Variants in L3MBTL3 observed in about 807,000 individuals in gnomAD.
The protein encoded by L3MBTL3 is lethal(3)malignant brain tumor-like protein 3.
In L3MBTL3, 27 loss-of-function variants were observed where a neutral mutation model predicts 102.3. The observed-to-expected ratio is 0.26, with a 90% CI of 0.19 to 0.36. The LOEUF (loss-of-function observed/expected upper bound fraction) is 0.36, where lower values mean the gene tolerates loss of function less well. Ranked by LOEUF, L3MBTL3 falls within the 10% of genes least tolerant of loss-of-function variation. The pLI is 1.00. For missense variants in L3MBTL3, 798 were observed against 955.3 expected (o/e 0.84, Z 2.17); for synonymous variants, 340 against 320.9 (o/e 1.06, Z -0.64).
In L3MBTL3 at chr6:130,020,748, T is replaced by A. The variant is rs565243464; in HGVS notation, c.-94-1479T>A. On this transcript the variant is annotated intron_variant, in intron 1 of 22. Transcript: ENST00000361794. The stretch of plus-strand genomic sequence containing the variant: ...CCTTTTCCTCCCCCTCCCCGCCGAT[T>A]TTTTGAGGGGACCCGAAAAACGGAG... 3 of 151,058 alleles carry A rather than the reference T, an allele frequency of 2.0e-5. No homozygotes were observed. In the South Asian group the frequency reaches 6.3e-4, roughly 32 times the overall value. 9.4% of individuals were successfully genotyped at this position (151,058 alleles called of 1,614,324 possible).
intron 2 of L3MBTL3, among the ~76,000 whole-genome samples, chr6:130,028,380 T>C (rs1040465578): frequency 6.6e-6 from 1 of 152,186 alleles, no homozygotes; most frequent in Non-Finnish European, 1.5e-5. Context: ...ATGGAACCGC[T>C]GTAATGACTG....
At chr6:130,039,466 T>A (rs2114660601) in intron 2 of L3MBTL3, among the ~76,000 whole-genome samples, 1 of 152,224 alleles carries the variant, frequency 6.6e-6, no homozygotes, top group African/African-American at 2.4e-5. Context: ...CTTAAATCCC[T>A]TTTCATCTAA....
intron 7 of L3MBTL3, chr6:130,054,949 A>ACGG (rs1781367044): frequency 4.1e-6 from 2 of 484,226 alleles, no homozygotes; most frequent in Admixed American, 3.4e-5. Flanking sequence ...AGCGGTGTCC[A>ACGG]TGCCCTTCCA....
chr6:130,019,657 G>A (rs1778815315), intron 1 of L3MBTL3, among the ~76,000 whole-genome samples: 1 of 151,496 alleles, frequency 6.6e-6, no homozygotes, highest in South Asian at 2.1e-4. Flanking sequence ...ACCCGCGGCG[G>A]GGCTCGGCGG....
intron 6 of L3MBTL3, among the ~76,000 whole-genome samples, chr6:130,051,631 C>T (rs1781097569): frequency 6.6e-6 from 1 of 152,226 alleles, no homozygotes; most frequent in Non-Finnish European, 1.5e-5. Flanking sequence ...GCCTGCAAAA[C>T]AGCCTCTGCC....
At chr6:130,101,527 C>T (rs1164420463) in intron 18 of L3MBTL3, among the ~76,000 whole-genome samples, 1 of 152,160 alleles carries the variant, frequency 6.6e-6, no homozygotes, top group East Asian at 1.9e-4. Flanking sequence ...ATGCTGCCAT[C>T]CGGGCTTTCC....
At chr6:130,103,361 T>G (rs1374254028) in intron 18 of L3MBTL3, among the ~76,000 whole-genome samples, 1 of 152,362 alleles carries the variant, frequency 6.6e-6, no homozygotes, top group South Asian at 2.1e-4. Flanking sequence ...CTGTGATATA[T>G]CTTATAGGCC....
At chr6:130,061,436 C>T (rs980514681) in intron 10 of L3MBTL3, among the ~76,000 whole-genome samples, 2 of 152,172 alleles carry the variant, frequency 1.3e-5, no homozygotes, top group Admixed American at 6.5e-5. Context: ...AACCCTTTCC[C>T]TCCCATTTTT....
rs9388772 is a variant in L3MBTL3 at position 130,107,871 on chromosome 6, A to C, written c.1886+3296A>C. On this transcript the variant is annotated intron_variant, in intron 19 of 22. Coordinates refer to ENST00000361794, the MANE Select transcript of L3MBTL3 (RefSeq NM_032438.4). ...GGCTTTTTGCCATTGTTCTGCATGCATGGCCATCTAAGCTCTTAATGTAGC... is the reference window on the plus strand; with the variant it reads ...GGCTTTTTGCCATTGTTCTGCATGCCTGGCCATCTAAGCTCTTAATGTAGC... Among the ~76,000 whole-genome samples the C allele has an allele frequency of 1.2e-4, 18 of 152,124 alleles. No individual in the cohort carries two copies. The East Asian group carries it at 3.3e-3, about 28-fold the overall frequency.
chr6:130,133,591 C>G lies in L3MBTL3; in HGVS notation c.2106C>G (p.Ala702=), dbSNP rs771808885. ...KLLPTVAGIP[A]SKVSKWSTDE... is the part of the protein sequence containing the mutation. ...TTCCAACTGTCGCAGGAATCCCTGC[C>G]AGTAAAGTTTCCAAATGGAGCACAG... is the stretch of plus-strand genomic sequence containing the variant. The change falls in exon 21 of 23, where the codon GCC becomes GCG. Residue 702 remains alanine, a synonymous_variant. Transcript: ENST00000361794. This position sits in a 1 kb window ranked among gnomAD's most constrained non-coding sequence, Gnocchi z 4.9. 11 of 1,613,816 alleles carry G rather than the reference C, an allele frequency of 6.8e-6. No individual in the cohort carries two copies. Among genetic ancestry groups the G allele is most frequent in the African/African-American group, 5.3e-5 (4 of 74,920 alleles).
At chr6:130,028,527 T>A (rs1318959875) in intron 2 of L3MBTL3, among the ~76,000 whole-genome samples, 1 of 152,200 alleles carries the variant, frequency 6.6e-6, no homozygotes, top group Admixed American at 6.5e-5. Flanking sequence ...ATTGAAATAA[T>A]GATCTAGAGT....
intron 22 of L3MBTL3, among the ~76,000 whole-genome samples, chr6:130,138,779 T>TA (rs1257546742): frequency 1.3e-5 from 2 of 150,784 alleles, no homozygotes; most frequent in Non-Finnish European, 3.0e-5. Context: ...TTTTTTTTTT[T>TA]AAGGTGATAG....
Position 130,121,889 on chromosome 6 carries a change from T to G in L3MBTL3, c.1966+931T>G, listed in dbSNP as rs144401852. ...GGTGAAACCCCATCTCTACTAAAAA[T>G]ACAAAAATTAACCAGGTGTGGTGGC... is the stretch of plus-strand genomic sequence containing the variant. On this transcript the variant is annotated intron_variant, in intron 20 of 22. Coordinates refer to ENST00000361794, the MANE Select transcript of L3MBTL3 (RefSeq NM_032438.4). 2.0e-5 allele frequency among the ~76,000 whole-genome samples: 3 copies of G among 152,200 alleles called. No homozygotes were observed. The East Asian group carries it at 5.8e-4, about 29-fold the overall frequency.
At chr6:130,103,620 T>C (rs373294293) in intron 18 of L3MBTL3, among the ~76,000 whole-genome samples, 3 of 152,352 alleles carry the variant, frequency 2.0e-5, no homozygotes, top group Admixed American at 6.5e-5. Flanking sequence ...AGGCAGTTAT[T>C]TGGGGAGGCC....
rs1390058118 is a variant in L3MBTL3, at chr6:130,139,521, A to G, written c.2200-89A>G. 5.7e-6 allele frequency: 7 copies of G among 1,229,448 alleles called. No homozygotes were observed. The East Asian group carries it at 9.4e-5, about 16-fold the overall frequency. 76.2% of individuals were successfully genotyped at this position (1,229,448 alleles called of 1,614,324 possible). A position where few individuals can be genotyped will look rare whatever the true frequency, so the allele number is the denominator to read the frequency against. On this transcript the variant is annotated intron_variant, in intron 22 of 22. Transcript: ENST00000361794. ...CTGTGCTTTTTTAGCATTGCTATGT[A>G]GAAGACAGCTGGTAATTTAACCTTG...
intron 4 of L3MBTL3, 61 bp downstream of exon 4, chr6:130,049,454 T>A: frequency 9.1e-7 from 1 of 1,103,564 alleles, no homozygotes. Flanking sequence ...TAAGAATATC[T>A]AAAGTTTTAT....
At chr6:130,056,796 T>C (rs942510712) in intron 8 of L3MBTL3, among the ~76,000 whole-genome samples, 4 of 152,206 alleles carry the variant, frequency 2.6e-5, no homozygotes, top group African/African-American at 9.7e-5. Flanking sequence ...TCTCTTTGTA[T>C]ACTCTACCTT....
At chr6:130,044,068 A>C (rs748692144) in intron 3 of L3MBTL3, among the ~76,000 whole-genome samples, 1 of 152,198 alleles carries the variant, frequency 6.6e-6, no homozygotes, top group East Asian at 1.9e-4. Context: ...CCAAATATTC[A>C]TCTGGATAAG....
At chr6:130,084,344 GAAA>G (rs1237734298) in intron 15 of L3MBTL3, among the ~76,000 whole-genome samples, 1 of 151,970 alleles carries the variant, frequency 6.6e-6, no homozygotes, top group Non-Finnish European at 1.5e-5. Flanking sequence ...TAACAGAAAA[GAAA>G]AATATATCAA....
Sources: allele counts gnomAD v4.1 joint callset (sites outside exome capture counted in the v4.1 genomes callset), GRCh38; gene constraint gnomAD v4.1.1; non-coding constraint Gnocchi (gnomAD v3.1); transcripts MANE v1.5; gene names NCBI Gene and HGNC (gene_info 2026-07-23, HGNC 2026-07-21).